The following P2RY14 variants were observed in gnomAD, a reference collection of about 807,000 sequenced individuals.
P2RY14 encodes the protein P2Y purinoceptor 14.
In P2RY14, 2 loss-of-function variants were observed where a neutral mutation model predicts 0.9. That is an observed-to-expected ratio of 2.16 (90% CI 0.88 to 6.79). The LOEUF is 6.79. P2RY14 is among the 30% of genes most tolerant of loss of function. The probability of loss-of-function intolerance (pLI) is 0.05; values close to 1 mark genes in which losing one functional copy is unlikely to be tolerated. For missense variants in P2RY14, 378 were observed against 400.1 expected (o/e 0.94, Z 0.47); for synonymous variants, 158 against 147.2 (o/e 1.07, Z -0.53).
chr3:151,217,925 G>A (rs1218525092), intron 2 of P2RY14, among the ~76,000 whole-genome samples: 1 of 152,090 alleles, frequency 6.6e-6, no homozygotes, highest in African/African-American at 2.4e-5. Context: ...GCTCTCTTAA[G>A]GCAAGTAAGA....
chr3:151,214,648 A>C (rs915526186), intron 2 of P2RY14, among the ~76,000 whole-genome samples: 1 of 148,988 alleles, frequency 6.7e-6, no homozygotes, highest in African/African-American at 2.5e-5. Context: ...TGGGCAATGA[A>C]AAGGGAAGAA....
At chr3:151,259,311 C>CT (rs528205588) in intron 1 of P2RY14, among the ~76,000 whole-genome samples, 27 of 152,288 alleles carry the variant, frequency 1.8e-4, no homozygotes, top group Non-Finnish European at 3.1e-4. Context: ...TTCTTAAAGC[C>CT]TTTAAGATTT....
chr3:151,237,032 A>G (rs1732958417), intron 1 of P2RY14, among the ~76,000 whole-genome samples: 1 of 151,328 alleles, frequency 6.6e-6, no homozygotes, highest in Non-Finnish European at 1.5e-5. Flanking sequence ...AAACTTCAGG[A>G]AGTGATGCCA....
At chr3:151,258,833 C>T (rs1253468946) in intron 1 of P2RY14, among the ~76,000 whole-genome samples, 1 of 122,822 alleles carries the variant, frequency 8.1e-6, no homozygotes, top group African/African-American at 3.2e-5. Context: ...GCCTGGGCGA[C>T]AGAGCAAGAT....
At chr3:151,224,859 C>A (rs1047087665) in intron 1 of P2RY14, among the ~76,000 whole-genome samples, 4 of 152,148 alleles carry the variant, frequency 2.6e-5, no homozygotes, top group African/African-American at 9.7e-5. Flanking sequence ...TATAGTGTAA[C>A]CTTTGCCTCC....
At chr3:151,250,430 T>G (rs577703861) in intron 1 of P2RY14, among the ~76,000 whole-genome samples, 27 of 152,306 alleles carry the variant, frequency 1.8e-4, no homozygotes, top group Non-Finnish European at 3.8e-4. Context: ...TAAATAATAA[T>G]TCTCCATTTA....
chr3:151,232,584 A>G (rs780064312), intron 1 of P2RY14, among the ~76,000 whole-genome samples: 8 of 152,256 alleles, frequency 5.3e-5, no homozygotes, highest in Admixed American at 1.3e-4. Flanking sequence ...TGGCACATAT[A>G]TGCCATGGAA....
chr3:151,231,904 A>T (rs536993004), intron 1 of P2RY14, among the ~76,000 whole-genome samples: 13 of 152,222 alleles, frequency 8.5e-5, no homozygotes, highest in Non-Finnish European at 1.3e-4. Context: ...TCAGTACAAG[A>T]AAACAAAGTG....
intron 1 of P2RY14, among the ~76,000 whole-genome samples, chr3:151,242,340 G>T (rs1210124960): frequency 2.0e-5 from 3 of 152,258 alleles, no homozygotes; most frequent in Non-Finnish European, 2.9e-5. Flanking sequence ...CAAACAAAAA[G>T]ACAGCAGTAA....
intron 1 of P2RY14, among the ~76,000 whole-genome samples, chr3:151,237,700 A>T (rs1368849749): frequency 2.6e-5 from 4 of 152,058 alleles, no homozygotes; most frequent in African/African-American, 9.7e-5. Context: ...CCTACCAATG[A>T]TGTGTAGTGA....
At position 151,213,545 on chromosome 3, in the gene P2RY14, T is replaced by C. The variant is rs1203165949; in HGVS notation, c.772A>G (p.Lys258Glu). The change falls in exon 3 of 3, where the codon AAG becomes GAG. Residue 258 changes from lysine (K) to glutamate (E), a missense_variant. Physicochemically the swap from Lys to Glu is moderately conservative, Grantham distance 56. Coordinates refer to ENST00000309170, the MANE Select transcript of P2RY14 (RefSeq NM_014879.4). ...CTGTAATGAGCTTCGGTCTGACTCT[T>C]TGTGTAGGGGATTCTGGCAATATGG... is the stretch of plus-strand genomic sequence containing the variant. ...PYHIARIPYT[K>E]SQTEAHYSCQ... 12 of 1,614,074 alleles carry C rather than the reference T, an allele frequency of 7.4e-6. No individual in the cohort carries two copies. Among genetic ancestry groups the C allele is most frequent in the African/African-American group, 1.3e-5 (1 of 74,936 alleles).
At chr3:151,267,979 C>A (rs910771229) in intron 1 of P2RY14, among the ~76,000 whole-genome samples, 5 of 152,100 alleles carry the variant, frequency 3.3e-5, no homozygotes, top group Non-Finnish European at 5.9e-5. Context: ...CTCCAAATGC[C>A]AGTAAAATGG....
At chr3:151,263,727 C>T (rs1056326454) in intron 1 of P2RY14, among the ~76,000 whole-genome samples, 1 of 149,882 alleles carries the variant, frequency 6.7e-6, no homozygotes, top group African/African-American at 2.5e-5. Flanking sequence ...ATTAAGAATG[C>T]AGGCTACAGG....
intron 1 of P2RY14, among the ~76,000 whole-genome samples, chr3:151,224,947 A>C (rs1577026954): frequency 6.6e-6 from 1 of 152,176 alleles, no homozygotes; most frequent in East Asian, 1.9e-4. Flanking sequence ...CATGCTTATT[A>C]CATTTTATGT....
chr3:151,218,494 C>T (rs773627542), intron 2 of P2RY14, among the ~76,000 whole-genome samples: 8 of 152,090 alleles, frequency 5.3e-5, no homozygotes, highest in Non-Finnish European at 1.2e-4. Context: ...AACCTTGAGG[C>T]TTTAGGAATA....
At chr3:151,260,877 G>T (rs749077099) in intron 1 of P2RY14, among the ~76,000 whole-genome samples, 1 of 152,038 alleles carries the variant, frequency 6.6e-6, no homozygotes, top group Non-Finnish European at 1.5e-5. Flanking sequence ...GACGTTTCCA[G>T]TAAAGTCAAC....
chr3:151,235,585 G>A (rs139063691), intron 1 of P2RY14, among the ~76,000 whole-genome samples: 6 of 152,076 alleles, frequency 3.9e-5, no homozygotes, highest in Admixed American at 1.3e-4. Flanking sequence ...TCCCAGTTAC[G>A]CGGGAGGCTG....
intron 1 of P2RY14, among the ~76,000 whole-genome samples, chr3:151,252,361 A>G (rs1336727465): frequency 6.6e-6 from 1 of 152,154 alleles, no homozygotes; most frequent in African/African-American, 2.4e-5. Context: ...GCTCATGGTC[A>G]TCGCTAAGAT....
At chr3:151,267,534 G>A (rs775609958) in intron 1 of P2RY14, among the ~76,000 whole-genome samples, 7 of 152,164 alleles carry the variant, frequency 4.6e-5, no homozygotes, top group Non-Finnish European at 7.4e-5. Flanking sequence ...AGCTACAAAT[G>A]AGAGCCTCGG....
Sources: allele counts gnomAD v4.1 joint callset (sites outside exome capture counted in the v4.1 genomes callset), GRCh38; gene constraint gnomAD v4.1.1; transcripts MANE v1.5; gene names NCBI Gene and HGNC (gene_info 2026-07-23, HGNC 2026-07-21).